The following CTNND2 variants were observed in gnomAD, a reference collection of about 807,000 sequenced individuals.
CTNND2 encodes the protein catenin delta-2.
CTNND2 carries 22 observed loss-of-function variants against 144.4 expected under a neutral mutation model. That is an observed-to-expected ratio of 0.15 (90% CI 0.11 to 0.22). CTNND2 has a LOEUF of 0.22. CTNND2 is among the 10% of genes least tolerant of loss of function. The pLI is 1.00. For synonymous variants in CTNND2, 751 were observed against 695.6 expected (o/e 1.08, Z -1.25); for missense variants, 1,353 against 1,618.8 (o/e 0.84, Z 2.82).
At chr5:11,660,672 C>T (rs954501097) in intron 2 of CTNND2, among the ~76,000 whole-genome samples, 1 of 151,996 alleles carries the variant, frequency 6.6e-6, no homozygotes. Context: ...TGACATTGAA[C>T]GTGTTTCAAT....
chr5:11,019,697 G>T (rs996223551), intron 17 of CTNND2, among the ~76,000 whole-genome samples: 1 of 152,122 alleles, frequency 6.6e-6, no homozygotes, highest in African/African-American at 2.4e-5. Flanking sequence ...ATTGATTGAA[G>T]GGCTTGGACA....
chr5:11,765,311 T>A (rs1325190999), intron 1 of CTNND2, among the ~76,000 whole-genome samples: 1 of 152,016 alleles, frequency 6.6e-6, no homozygotes, highest in Non-Finnish European at 1.5e-5. Flanking sequence ...CAGAAGCCGC[T>A]CAGGGGGAAG....
chr5:11,294,483 C>G lies in CTNND2; in HGVS notation c.1628+51889G>C, dbSNP rs139911489. 3.5e-3 allele frequency among the ~76,000 whole-genome samples: 534 copies of G among 152,238 alleles called. 3 individuals carry two copies. The highest frequency in any genetic ancestry group is 0.012 in the African/African-American group (512 of 41,550). ...CCTCGCTTTATGGAAATCAACTAAC[C>G]ATATTTGTTACCAATAACAAATATG... On this transcript the variant is annotated intron_variant, in intron 9 of 21. Transcript: ENST00000304623.
At chr5:11,738,527 A>G (rs1325565280) in intron 1 of CTNND2, among the ~76,000 whole-genome samples, 2 of 152,214 alleles carry the variant, frequency 1.3e-5, no homozygotes, top group Non-Finnish European at 2.9e-5. Context: ...CAAACTCTCT[A>G]GCCGTCAATG....
At position 10,995,503 on chromosome 5, in the gene CTNND2, G is replaced by A. The variant is rs115675424; in HGVS notation, c.3085-2826C>T. ...AGGTTGGTAAATGTCTAACTCCAGCGGTCCCAAAAGATAATGAGAATTGGT... is the reference window on the plus strand; with the variant it reads ...AGGTTGGTAAATGTCTAACTCCAGCAGTCCCAAAAGATAATGAGAATTGGT... On this transcript the variant is annotated intron_variant, in intron 18 of 21. Coordinates refer to ENST00000304623, the MANE Select transcript of CTNND2 (RefSeq NM_001332.4). Among the ~76,000 whole-genome samples the A allele has an allele frequency of 2.3e-3, 346 of 152,312 alleles. 1 individual carries two copies. The highest frequency in any genetic ancestry group is 7.9e-3 in the African/African-American group (329 of 41,570).
chr5:11,011,951 G>GAA (rs1741136547), intron 18 of CTNND2, among the ~76,000 whole-genome samples: 1 of 152,118 alleles, frequency 6.6e-6, no homozygotes, highest in Admixed American at 6.6e-5. Context: ...AGGGGGAGAG[G>GAA]AGCTGTAAAA....
chr5:11,182,997 TATCTA>T (rs1438009910), intron 11 of CTNND2, among the ~76,000 whole-genome samples: 1 of 152,218 alleles, frequency 6.6e-6, no homozygotes, highest in African/African-American at 2.4e-5. Flanking sequence ...GCATGTGGCT[TATCTA>T]ATCAGACATA....
intron 2 of CTNND2, among the ~76,000 whole-genome samples, chr5:11,578,669 G>GAATGAATA (rs372696767): frequency 4.4e-4 from 64 of 146,100 alleles, no homozygotes; most frequent in Middle Eastern, 3.4e-3. Flanking sequence ...ACAAATACAT[G>GAATGAATA]AATAAATAAA....
intron 14 of CTNND2, among the ~76,000 whole-genome samples, chr5:11,107,220 A>G (rs1341580515): frequency 1.3e-5 from 2 of 152,182 alleles, no homozygotes; most frequent in African/African-American, 4.8e-5. Flanking sequence ...GGTTAGTGCT[A>G]TTTTACTCAC....
intron 3 of CTNND2, among the ~76,000 whole-genome samples, chr5:11,492,440 T>C (rs1376483782): frequency 6.6e-6 from 1 of 152,070 alleles, no homozygotes; most frequent in Non-Finnish European, 1.5e-5. Context: ...TCTGTACATA[T>C]GTCTATATAT....
chr5:11,188,616 A>G (rs1305524789), intron 11 of CTNND2, among the ~76,000 whole-genome samples: 1 of 152,240 alleles, frequency 6.6e-6, no homozygotes, highest in African/African-American at 2.4e-5. Flanking sequence ...TTTAAAATAA[A>G]TAAAATTTAA....
At chr5:11,187,194 G>T (rs1349372890) in intron 11 of CTNND2, among the ~76,000 whole-genome samples, 1 of 152,124 alleles carries the variant, frequency 6.6e-6, no homozygotes, top group Non-Finnish European at 1.5e-5. Context: ...ATAAATGTTA[G>T]CAGTCTAATC....
intron 19 of CTNND2, among the ~76,000 whole-genome samples, chr5:10,991,568 T>C (rs1035585308): frequency 6.6e-6 from 1 of 152,244 alleles, no homozygotes; most frequent in African/African-American, 2.4e-5. Context: ...CATTTGCCTT[T>C]CATCTTTCCT....
At chr5:11,141,684 T>C (rs944591697) in intron 12 of CTNND2, among the ~76,000 whole-genome samples, 13 of 152,220 alleles carry the variant, frequency 8.5e-5, no homozygotes, top group African/African-American at 2.7e-4. Flanking sequence ...GCCAGCTGTG[T>C]CTGCACTCAG....
At chr5:11,736,591 G>A (rs1360184963) in intron 1 of CTNND2, among the ~76,000 whole-genome samples, 1 of 152,162 alleles carries the variant, frequency 6.6e-6, no homozygotes, top group Non-Finnish European at 1.5e-5. Context: ...ACCTGCCCCA[G>A]TGAATCCCTG....
At position 11,903,741 on chromosome 5, in the gene CTNND2, C is replaced by T. The variant is rs371631900; in HGVS notation, c.37+76G>A. 2.1e-5 allele frequency: 29 copies of T among 1,414,040 alleles called. No homozygotes were observed. The East Asian group carries it at 2.8e-4, about 13-fold the overall frequency. The allele number at this position is 1,414,040 out of a possible 1,614,324, so 87.6% of individuals were successfully genotyped here. ...CCGGCCGGGAGCCCAGGACCACCCCCACCAGCGGCAAGAGGAGGAGGACGG... is the reference window on the plus strand; with the variant it reads ...CCGGCCGGGAGCCCAGGACCACCCCTACCAGCGGCAAGAGGAGGAGGACGG... On this transcript the variant is annotated intron_variant, in intron 1 of 21. Transcript: ENST00000304623. This position sits in a 1 kb window ranked among gnomAD's most constrained non-coding sequence, Gnocchi z 5.4.
At chr5:11,590,925 T>C (rs565168586) in intron 2 of CTNND2, among the ~76,000 whole-genome samples, 3 of 152,358 alleles carry the variant, frequency 2.0e-5, no homozygotes, top group East Asian at 3.9e-4. Flanking sequence ...TGGTCTCTTA[T>C]AGGGACACAT....
At chr5:11,315,678 G>A (rs1040749715) in intron 9 of CTNND2, among the ~76,000 whole-genome samples, 7 of 152,098 alleles carry the variant, frequency 4.6e-5, no homozygotes, top group Non-Finnish European at 8.8e-5. Context: ...TAACTTTGTA[G>A]AACATGTTAG....
intron 3 of CTNND2, 82 bp downstream of exon 3, chr5:11,564,862 C>T (rs1039909746): frequency 5.6e-6 from 5 of 888,584 alleles, no homozygotes; most frequent in South Asian, 4.8e-5. Context: ...ATTCCACCAC[C>T]GGGTTGGAAA....
Sources: gnomAD v4.1 joint callset for allele counts (sites outside exome capture counted in the v4.1 genomes callset) on GRCh38, gnomAD v4.1.1 for gene constraint, Gnocchi (gnomAD v3.1) non-coding constraint, MANE v1.5 for transcripts, NCBI Gene and HGNC (gene_info 2026-07-23, HGNC 2026-07-21) for gene names.